The following DRC11 variants were observed in gnomAD, a reference collection of about 807,000 sequenced individuals.
DRC11 encodes dynein regulatory complex subunit 11, also known as IQ and AAA domain-containing protein 1.
chr2:236,460,385 C>T, the DRC11 span, among the ~76,000 whole-genome samples: 4 of 152,176 alleles, frequency 2.6e-5, no homozygotes, highest in African/African-American at 9.7e-5. This position sits in a 1 kb window ranked among gnomAD's most constrained non-coding sequence, Gnocchi z 4.0. Flanking sequence ...AGAGCTGCTC[C>T]TGTCTCCCAT....
the DRC11 span, among the ~76,000 whole-genome samples, chr2:236,356,861 G>C: frequency 6.8e-6 from 1 of 147,172 alleles, no homozygotes; most frequent in South Asian, 2.1e-4. Flanking sequence ...TTCATCATTT[G>C]TCAAATATTT....
chr2:236,378,858 C>CT, the DRC11 span, among the ~76,000 whole-genome samples: 1 of 152,140 alleles, frequency 6.6e-6, no homozygotes, highest in Non-Finnish European at 1.5e-5. Context: ...ACTCAAAACG[C>CT]TGACCAGCTG....
At chr2:236,352,462 C>T in the DRC11 span, among the ~76,000 whole-genome samples, 1 of 152,046 alleles carries the variant, frequency 6.6e-6, no homozygotes, top group South Asian at 2.1e-4. The surrounding 1 kb of genome is among the most constrained non-coding windows in gnomAD (Gnocchi z 7.0). Flanking sequence ...ACCACAGACA[C>T]TGGGGGATAG....
chr2:236,366,304 A>G, the DRC11 span, among the ~76,000 whole-genome samples: 1 of 152,174 alleles, frequency 6.6e-6, no homozygotes, highest in Admixed American at 6.5e-5. Flanking sequence ...GATGTTCTCA[A>G]GGTCCTCTGC....
chr2:236,316,063 C>T, the DRC11 span, among the ~76,000 whole-genome samples: 1 of 152,066 alleles, frequency 6.6e-6, no homozygotes, highest in Non-Finnish European at 1.5e-5. The surrounding 1 kb of genome is among the most constrained non-coding windows in gnomAD (Gnocchi z 6.8). Flanking sequence ...GCAAAGAACT[C>T]TTAACATAGG....
the DRC11 span, among the ~76,000 whole-genome samples, chr2:236,357,353 G>GTA: frequency 1.3e-3 from 150 of 116,792 alleles, 3 homozygotes; most frequent in South Asian, 1.0e-3. Flanking sequence ...TATATTATAT[G>GTA]TATATATATT....
the DRC11 span, among the ~76,000 whole-genome samples, chr2:236,459,554 T>TACGTATATAC: frequency 5.1e-4 from 60 of 116,808 alleles, no homozygotes; most frequent in Non-Finnish European, 7.4e-4. Context: ...TACGTATACA[T>TACGTATATAC]GTATACGTAT....
the DRC11 span, among the ~76,000 whole-genome samples, chr2:236,497,807 A>T: frequency 6.6e-6 from 1 of 152,224 alleles, no homozygotes; most frequent in Non-Finnish European, 1.5e-5. The surrounding 1 kb of genome is among the most constrained non-coding windows in gnomAD (Gnocchi z 5.1). Flanking sequence ...TGATATCCAG[A>T]ATAGTTAACT....
At chr2:236,505,681 C>G in the DRC11 span, among the ~76,000 whole-genome samples, 2 of 152,130 alleles carry the variant, frequency 1.3e-5, no homozygotes, top group Non-Finnish European at 2.9e-5. Context: ...GAGCACCCAC[C>G]CACTGAATAG....
chr2:236,353,094 C>A, the DRC11 span, among the ~76,000 whole-genome samples: 1 of 152,200 alleles, frequency 6.6e-6, no homozygotes, highest in South Asian at 2.1e-4. This position sits in a 1 kb window ranked among gnomAD's most constrained non-coding sequence, Gnocchi z 5.0. Flanking sequence ...AAAATGGTAT[C>A]CTTTGCTTTT....
the DRC11 span, among the ~76,000 whole-genome samples, chr2:236,372,841 G>A: frequency 3.3e-5 from 5 of 152,042 alleles, no homozygotes; most frequent in Admixed American, 3.3e-4. This position sits in a 1 kb window ranked among gnomAD's most constrained non-coding sequence, Gnocchi z 4.5. Flanking sequence ...CAAATACTTG[G>A]TCTCAAGAGA....
the DRC11 span, among the ~76,000 whole-genome samples, chr2:236,361,949 G>A: frequency 2.0e-5 from 3 of 152,196 alleles, no homozygotes; most frequent in Admixed American, 1.3e-4. This position sits in a 1 kb window ranked among gnomAD's most constrained non-coding sequence, Gnocchi z 5.7. Flanking sequence ...GCATAAGAAA[G>A]CTGATGTGGC....
At chr2:236,342,057 C>T in the DRC11 span, among the ~76,000 whole-genome samples, 1 of 152,228 alleles carries the variant, frequency 6.6e-6, no homozygotes, top group Non-Finnish European at 1.5e-5. The surrounding 1 kb of genome is among the most constrained non-coding windows in gnomAD (Gnocchi z 5.8). Context: ...GCCCCAATCC[C>T]CGGGTGAGCT....
At chr2:236,495,902 C>G in the DRC11 span, among the ~76,000 whole-genome samples, 1 of 152,134 alleles carries the variant, frequency 6.6e-6, no homozygotes, top group African/African-American at 2.4e-5. The surrounding 1 kb of genome is among the most constrained non-coding windows in gnomAD (Gnocchi z 5.6). Context: ...AATGGCATGT[C>G]CTTTAGGAAG....
At chr2:236,384,553 G>A in the DRC11 span, among the ~76,000 whole-genome samples, 1 of 152,128 alleles carries the variant, frequency 6.6e-6, no homozygotes, top group African/African-American at 2.4e-5. Context: ...GTAGATTCTG[G>A]ATATTAGCCC....
At chr2:236,450,438 G>C in the DRC11 span, among the ~76,000 whole-genome samples, 1 of 149,886 alleles carries the variant, frequency 6.7e-6, no homozygotes, top group Non-Finnish European at 1.5e-5. Flanking sequence ...TCGTGGGTCA[G>C]CCTCCCGAGT....
the DRC11 span, among the ~76,000 whole-genome samples, chr2:236,427,913 AG>A: frequency 6.6e-6 from 1 of 152,060 alleles, no homozygotes; most frequent in Admixed American, 6.6e-5. This position sits in a 1 kb window ranked among gnomAD's most constrained non-coding sequence, Gnocchi z 5.9. Context: ...TGTATCTCAT[AG>A]GTTTTAGTAT....
At chr2:236,489,456 T>C in the DRC11 span, among the ~76,000 whole-genome samples, 1 of 151,656 alleles carries the variant, frequency 6.6e-6, no homozygotes, top group East Asian at 1.9e-4. Flanking sequence ...TGCTGGGGCC[T>C]ATGTGGGCTC....
the DRC11 span, among the ~76,000 whole-genome samples, chr2:236,491,763 G>T: frequency 3.3e-5 from 5 of 152,110 alleles, no homozygotes; most frequent in African/African-American, 9.7e-5. Flanking sequence ...CTTTGGAATG[G>T]ACTTCAAGGA....
Sources: gnomAD v4.1 joint callset for allele counts (sites outside exome capture counted in the v4.1 genomes callset) on GRCh38, gnomAD v4.1.1 for gene constraint, Gnocchi (gnomAD v3.1) non-coding constraint, MANE v1.5 for transcripts, NCBI Gene and HGNC (gene_info 2026-07-23, HGNC 2026-07-21) for gene names.